LIPM: variants seen among roughly 807,000 people sequenced by gnomAD.
The protein encoded by LIPM is lipase family member M.
LIPM carries 42 observed loss-of-function variants against 42.4 expected under a neutral mutation model. The ratio of observed to expected loss-of-function variants is 0.99; its 90% CI spans 0.77 to 1.28. The LOEUF is 1.28. Ranked by LOEUF, LIPM falls within the 50% of genes most tolerant of loss-of-function variation. The pLI is 0.00. For missense variants in LIPM, 524 were observed against 520.1 expected (o/e 1.01, Z -0.07); for synonymous variants, 177 against 173.3 (o/e 1.02, Z -0.17).
At chr10:88,803,213 C>T (rs886625968) in intron 1 of LIPM, among the ~76,000 whole-genome samples, 170 bp downstream of exon 1, 2 of 152,108 alleles carry the variant, frequency 1.3e-5, no homozygotes, top group Non-Finnish European at 2.9e-5. Flanking sequence ...GTCAGTAGAC[C>T]TGGGGTCTCC....
rs541239292 is a variant in LIPM at position 88,806,901 on chromosome 10, G to C, written c.148-1397G>C. ...AGATGGTGTTTCACCATGTTGGCCAGGATGGTCTCGATCTCCTGACCTTGT... is the reference window on the plus strand; with the variant it reads ...AGATGGTGTTTCACCATGTTGGCCACGATGGTCTCGATCTCCTGACCTTGT... On this transcript the variant is annotated intron_variant, in intron 1 of 8. Coordinates refer to ENST00000404743, the MANE Select transcript of LIPM (RefSeq NM_001128215.1). Among the ~76,000 whole-genome samples the C allele has an allele frequency of 1.6e-4, 25 of 152,180 alleles. No individual in the cohort carries two copies. The South Asian group carries it at 5.0e-3, about 30-fold the overall frequency.
chr10:88,816,753 T>C, intron 6 of LIPM, 63 bp from the exon 7 acceptor site: 1 of 1,099,318 alleles, frequency 9.1e-7, no homozygotes, highest in Non-Finnish European at 1.4e-6. Context: ...AGATTTGGTC[T>C]TGACAGGGTA....
intron 8 of LIPM, 52 bp downstream of exon 8, chr10:88,817,948 A>G: frequency 7.7e-7 from 1 of 1,299,306 alleles, no homozygotes; most frequent in Non-Finnish European, 1.1e-6. Context: ...GAAATGTATG[A>G]CAGGGACGTT....
At chr10:88,818,445 A>G (rs745406448) in intron 8 of LIPM, among the ~76,000 whole-genome samples, 4 of 152,238 alleles carry the variant, frequency 2.6e-5, no homozygotes, top group African/African-American at 4.8e-5. Flanking sequence ...CTTTAAATGA[A>G]TCTGTAATTT....
chr10:88,818,332 G>A (rs999865879), intron 8 of LIPM, among the ~76,000 whole-genome samples: 1 of 152,200 alleles, frequency 6.6e-6, no homozygotes. Context: ...ATAAACTTCT[G>A]TAATAGGAGG....
At chr10:88,813,048 A>C in intron 2 of LIPM, 49 bp from the exon 3 acceptor site, 1 of 1,463,138 alleles carries the variant, frequency 6.8e-7, no homozygotes, top group Admixed American at 2.0e-5. Flanking sequence ...ACTGGACAAC[A>C]AGAAAGGGAG....
intron 4 of LIPM, 95 bp from the exon 5 acceptor site, chr10:88,814,993 T>A (rs1843700550): frequency 8.8e-7 from 1 of 1,135,760 alleles, no homozygotes; most frequent in South Asian, 1.6e-5. Flanking sequence ...CAGTCACATA[T>A]ATACTTATTG....
At chr10:88,806,911 G>A (rs529103425) in intron 1 of LIPM, among the ~76,000 whole-genome samples, 2 of 151,980 alleles carry the variant, frequency 1.3e-5, no homozygotes, top group Admixed American at 6.6e-5. Flanking sequence ...GGATGGTCTC[G>A]ATCTCCTGAC....
chr10:88,808,631 T>C (rs1280369730), intron 2 of LIPM, among the ~76,000 whole-genome samples: 2 of 152,206 alleles, frequency 1.3e-5, no homozygotes, highest in Non-Finnish European at 2.9e-5. Context: ...CAGTGTTTGC[T>C]TTTCAAAACA....
intron 1 of LIPM, 112 bp downstream of exon 1, chr10:88,803,155 C>A: frequency 8.3e-7 from 1 of 1,207,038 alleles, no homozygotes; most frequent in Non-Finnish European, 1.1e-6. Flanking sequence ...ACTAGAAGAG[C>A]ATAGTGATGA....
chr10:88,803,587 A>T (rs1468522512), intron 1 of LIPM, among the ~76,000 whole-genome samples: 1 of 150,164 alleles, frequency 6.7e-6, no homozygotes, highest in Non-Finnish European at 1.5e-5. Context: ...AAATGCATAA[A>T]TGACAGTACA....
intron 1 of LIPM, 125 bp downstream of exon 1, chr10:88,803,168 T>C: frequency 6.6e-6 from 7 of 1,057,290 alleles, no homozygotes; most frequent in Non-Finnish European, 9.3e-6. Flanking sequence ...AGTGATGAAG[T>C]AGCAAATTGT....
At chr10:88,818,982 G>C (rs1209682177) in intron 8 of LIPM, among the ~76,000 whole-genome samples, 1 of 152,076 alleles carries the variant, frequency 6.6e-6, no homozygotes, top group Non-Finnish European at 1.5e-5. Context: ...CTGCCTCCTA[G>C]CTTTGAGCCA....
chr10:88,804,875 C>A (rs1277711215), intron 1 of LIPM, among the ~76,000 whole-genome samples: 2 of 152,180 alleles, frequency 1.3e-5, no homozygotes, highest in Non-Finnish European at 2.9e-5. Context: ...ATTAGCTCTG[C>A]TTTTCAAGGA....
chr10:88,810,471 G>A (rs1843641076), intron 2 of LIPM, among the ~76,000 whole-genome samples: 1 of 149,170 alleles, frequency 6.7e-6, no homozygotes, highest in Admixed American at 6.8e-5. Context: ...AGTGGCCAAT[G>A]TTGTTGGCAT....
At chr10:88,816,970 C>T (rs1843725424) in intron 7 of LIPM, 83 bp downstream of exon 7, 1 of 1,025,852 alleles carries the variant, frequency 9.7e-7, no homozygotes, top group African/African-American at 1.6e-5. Context: ...TTTAGATAAG[C>T]CAGGGATTAT....
chr10:88,813,246 C>T lies in LIPM; in HGVS notation c.415C>T (p.Arg139Ter), dbSNP rs772784620. ...MGNSRGNAWS[R>*]KHKTLSIDQD... is the part of the protein sequence containing the mutation. ...GAACAGCAGGGGAAACGCCTGGTCT[C>T]GAAAACACAAGACACTCTCCATAGA... Residue 139 changes from arginine (R) to a stop codon, truncating the protein, a stop_gained, in exon 3 of 9, where the codon CGA (arginine) becomes TGA (stop). Coordinates refer to ENST00000404743, the MANE Select transcript of LIPM (RefSeq NM_001128215.1). LOFTEE classifies it high-confidence loss of function. The T allele has an allele frequency of 1.2e-5, 20 of 1,612,424 alleles. No individual in the cohort carries two copies. The highest frequency in any genetic ancestry group is 1.0e-4 in the Admixed American group (6 of 59,824).
At chr10:88,806,892 T>C (rs1379750586) in intron 1 of LIPM, among the ~76,000 whole-genome samples, 2 of 152,152 alleles carry the variant, frequency 1.3e-5, no homozygotes, top group African/African-American at 4.8e-5. Flanking sequence ...TGTTTCACCA[T>C]GTTGGCCAGG....
chr10:88,820,195 A>C (rs1843770349), intron 8 of LIPM, 37 bp from the exon 9 acceptor site: 2 of 1,497,214 alleles, frequency 1.3e-6, no homozygotes, highest in African/African-American at 1.4e-5. Context: ...GAAAGTCCAA[A>C]TGTTACCTAG....
Sources: allele counts gnomAD v4.1 joint callset (sites outside exome capture counted in the v4.1 genomes callset), GRCh38; gene constraint gnomAD v4.1.1; transcripts MANE v1.5; gene names NCBI Gene and HGNC (gene_info 2026-07-23, HGNC 2026-07-21).